Variants in GLI3 observed in about 807,000 individuals in gnomAD.
The protein encoded by GLI3 is GLI family zinc finger 3.
GLI3 carries 20 observed loss-of-function variants against 100.8 expected under a neutral mutation model. The observed-to-expected ratio is 0.20, with a 90% CI of 0.14 to 0.29. The LOEUF is 0.29. GLI3 is among the 10% of genes least tolerant of loss of function. The pLI is 1.00. For synonymous variants in GLI3, 938 were observed against 860.5 expected, an observed-to-expected ratio of 1.09 and a Z score of -1.58; for missense variants, 2,040 against 2,128.5, an observed-to-expected ratio of 0.96 and a Z score of 0.82.
intron 2 of GLI3, among the ~76,000 whole-genome samples, chr7:42,214,759 A>C (rs377327592): frequency 2.6e-5 from 4 of 152,048 alleles, no homozygotes; most frequent in Middle Eastern, 3.4e-3. Flanking sequence ...ATTAATTTAA[A>C]GTAACAAAAA....
chr7:42,115,241 C>T (rs572806064), intron 3 of GLI3, among the ~76,000 whole-genome samples: 1 of 146,962 alleles, frequency 6.8e-6, no homozygotes, highest in South Asian at 2.1e-4. Flanking sequence ...CAGGTTCAAG[C>T]GATTCTCCTG....
intron 3 of GLI3, among the ~76,000 whole-genome samples, chr7:42,119,182 A>C (rs1785933836): frequency 6.6e-6 from 1 of 152,224 alleles, no homozygotes; most frequent in African/African-American, 2.4e-5. Flanking sequence ...TTCTATTAGA[A>C]AAAGGGATCT....
intron 2 of GLI3, among the ~76,000 whole-genome samples, chr7:42,212,798 A>G (rs1311848895): frequency 6.6e-6 from 1 of 152,206 alleles, no homozygotes; most frequent in Non-Finnish European, 1.5e-5. Context: ...AGAATGGAGA[A>G]ACACCTAGGA....
intron 3 of GLI3, among the ~76,000 whole-genome samples, chr7:42,081,208 C>G (rs1266678875): frequency 6.6e-6 from 1 of 152,134 alleles, no homozygotes; most frequent in East Asian, 1.9e-4. Context: ...ATGTGCAGAA[C>G]TGGTGGAATC....
At chr7:42,012,023 C>T (rs1788625400) in intron 10 of GLI3, among the ~76,000 whole-genome samples, 1 of 152,218 alleles carries the variant, frequency 6.6e-6, no homozygotes, top group Non-Finnish European at 1.5e-5. Flanking sequence ...TCCCCGACTT[C>T]CTGCTGGTCC....
intron 3 of GLI3, among the ~76,000 whole-genome samples, chr7:42,104,261 T>A (rs777451539): frequency 1.3e-5 from 2 of 152,188 alleles, no homozygotes; most frequent in Admixed American, 1.3e-4. Flanking sequence ...AGATAATGCA[T>A]CACGTAAAAC....
chr7:42,254,217 T>TAAAAAAAA (rs3057276), intron 1 of GLI3, among the ~76,000 whole-genome samples: 12,705 of 117,930 alleles, frequency 0.11, 1,107 homozygotes, highest in Middle Eastern at 0.22. Context: ...AAAACTCCGT[T>TAAAAAAAA]AAAAAAAAAA....
chr7:42,086,699 A>G, intron 3 of GLI3, among the ~76,000 whole-genome samples: 1 of 151,710 alleles, frequency 6.6e-6, no homozygotes, highest in East Asian at 1.9e-4. Flanking sequence ...CACCCCCTCC[A>G]TCAGGCTTCC....
chr7:41,979,656 G>A (rs1215063620), intron 10 of GLI3, among the ~76,000 whole-genome samples: 2 of 152,146 alleles, frequency 1.3e-5, no homozygotes, highest in Non-Finnish European at 1.5e-5. Context: ...CTATTTCAAT[G>A]TCCAGCTATG....
At chr7:42,076,725 A>C (rs1340500475) in intron 4 of GLI3, 27 bp downstream of exon 4, 10 of 1,372,778 alleles carry the variant, frequency 7.3e-6, no homozygotes, top group East Asian at 2.3e-5. Context: ...GTTCCATTTC[A>C]TTAATGAAGA....
At chr7:42,091,393 C>G (rs1378117643) in intron 3 of GLI3, among the ~76,000 whole-genome samples, 1 of 152,226 alleles carries the variant, frequency 6.6e-6, no homozygotes. Flanking sequence ...TTGCCCCAGT[C>G]GCTCAGACAC....
intron 3 of GLI3, among the ~76,000 whole-genome samples, chr7:42,130,273 A>G (rs984256686): frequency 1.3e-5 from 2 of 152,170 alleles, no homozygotes; most frequent in African/African-American, 4.8e-5. Context: ...TATGCCAAGC[A>G]GAACAACATT....
chr7:42,090,770 G>A (rs952816246), intron 3 of GLI3, among the ~76,000 whole-genome samples: 6 of 152,104 alleles, frequency 3.9e-5, no homozygotes, highest in African/African-American at 4.8e-5. Context: ...CTACAAATAC[G>A]CTCAAAAAAG....
intron 3 of GLI3, among the ~76,000 whole-genome samples, chr7:42,087,180 C>G (rs1785120166): frequency 6.6e-6 from 1 of 152,180 alleles, no homozygotes; most frequent in South Asian, 2.1e-4. Flanking sequence ...GGCTAGCCAT[C>G]CCTCCTGGAA....
chr7:42,210,642 G>A (rs1436558057), intron 2 of GLI3, among the ~76,000 whole-genome samples: 1 of 151,888 alleles, frequency 6.6e-6, no homozygotes, highest in Non-Finnish European at 1.5e-5. Context: ...TGAAAAAGTA[G>A]TAAACGAAAA....
At chr7:42,055,052 C>CACATATATGTATACATATATATATAT (rs1784425798) in intron 4 of GLI3, among the ~76,000 whole-genome samples, 1 of 132,408 alleles carries the variant, frequency 7.6e-6, no homozygotes, top group Non-Finnish European at 1.6e-5. Flanking sequence ...TATATATATA[C>CACATATATGTATACATATATATATAT]ACACACATAT....
intron 7 of GLI3, 95 bp downstream of exon 7, chr7:42,039,943 A>G (rs1784097247): frequency 3.2e-6 from 3 of 923,112 alleles, no homozygotes; most frequent in Admixed American, 1.7e-5. Flanking sequence ...ATTCTTCCTC[A>G]TAGGCAGTTG....
intron 1 of GLI3, among the ~76,000 whole-genome samples, chr7:42,245,100 T>C (rs565754885): frequency 4.6e-5 from 7 of 152,290 alleles, no homozygotes; most frequent in Non-Finnish European, 1.0e-4. Context: ...GCTGTACTGG[T>C]TTATGCTGGA....
chr7:42,229,771 G>T (rs538627949), intron 1 of GLI3, among the ~76,000 whole-genome samples: 1 of 152,034 alleles, frequency 6.6e-6, no homozygotes, highest in South Asian at 2.1e-4. Flanking sequence ...TTTAGAAAGA[G>T]AATTTTTTTT....
Sources: gnomAD v4.1 joint callset for allele counts (sites outside exome capture counted in the v4.1 genomes callset) on GRCh38, gnomAD v4.1.1 for gene constraint, MANE v1.5 for transcripts, NCBI Gene and HGNC (gene_info 2026-07-23, HGNC 2026-07-21) for gene names.